CLDN14: variants seen among roughly 807,000 people sequenced by gnomAD.
CLDN14 encodes claudin-14.
A neutral mutation model predicts 2.1 loss-of-function variants in CLDN14; 2 were observed. The ratio of observed to expected loss-of-function variants is 0.96; its 90% confidence interval spans 0.39 to 3.01. CLDN14 has a LOEUF of 3.01. Among genes scored for constraint, CLDN14 ranks in the 30% most tolerant of loss-of-function variants. CLDN14 has a pLI of 0.09. For synonymous variants in CLDN14, 136 were observed against 154.4 expected (o/e 0.88, Z 0.88); for missense variants, 298 against 328.0 (o/e 0.91, Z 0.71).
At chr21:36,537,272 G>T (rs1473145259) in intron 1 of CLDN14, among the ~76,000 whole-genome samples, 1 of 152,092 alleles carries the variant, frequency 6.6e-6, no homozygotes, top group Non-Finnish European at 1.5e-5. Context: ...AGGCTGTGGG[G>T]TTGTCTATAA....
chr21:36,477,866 C>T (rs1490373154), intron 1 of CLDN14, among the ~76,000 whole-genome samples: 2 of 152,174 alleles, frequency 1.3e-5, no homozygotes, highest in African/African-American at 2.4e-5. Flanking sequence ...AGCCACTTGT[C>T]CTGCAAATGG....
intron 1 of CLDN14, among the ~76,000 whole-genome samples, chr21:36,540,359 GT>G (rs1412381115): frequency 1.3e-5 from 2 of 152,076 alleles, no homozygotes; most frequent in African/African-American, 4.8e-5. Context: ...TATTTGTATT[GT>G]TTTTTATTGT....
At chr21:36,472,220 G>A (rs1465806978) in intron 1 of CLDN14, among the ~76,000 whole-genome samples, 1 of 152,234 alleles carries the variant, frequency 6.6e-6, no homozygotes, top group Non-Finnish European at 1.5e-5. Context: ...AGAGATGCCA[G>A]GAGGCCGAGC....
intron 1 of CLDN14, among the ~76,000 whole-genome samples, chr21:36,462,997 G>A (rs1383505643): frequency 6.6e-6 from 1 of 151,214 alleles, no homozygotes; most frequent in Non-Finnish European, 1.5e-5. Flanking sequence ...AAGAAGAGGA[G>A]GGAGGGAGGA....
At chr21:36,534,394 C>T (rs2087408012) in intron 1 of CLDN14, among the ~76,000 whole-genome samples, 1 of 152,114 alleles carries the variant, frequency 6.6e-6, no homozygotes, top group South Asian at 2.1e-4. Flanking sequence ...CAGGACGATC[C>T]CCCCGTGGGA....
At chr21:36,495,400 A>G (rs2146468048) in intron 2 of CLDN14, among the ~76,000 whole-genome samples, 1 of 152,332 alleles carries the variant, frequency 6.6e-6, no homozygotes, top group Middle Eastern at 3.4e-3. Context: ...AATTGACTGA[A>G]TTTTGTTTAA....
chr21:36,508,529 G>A (rs543508395), intron 2 of CLDN14, among the ~76,000 whole-genome samples: 1 of 152,310 alleles, frequency 6.6e-6, no homozygotes, highest in Non-Finnish European at 1.5e-5. Flanking sequence ...GTCCTTCTAT[G>A]TCATGGCCTA....
chr21:36,483,162 G>T (rs1277350037), upstream of CLDN14, among the ~76,000 whole-genome samples: 2 of 152,204 alleles, frequency 1.3e-5, no homozygotes, highest in Non-Finnish European at 2.9e-5. Flanking sequence ...CCTCCAGAAT[G>T]AGTTGGCAGC....
intron 1 of CLDN14, among the ~76,000 whole-genome samples, chr21:36,512,237 G>A (rs2087192411): frequency 6.6e-6 from 1 of 152,164 alleles, no homozygotes; most frequent in African/African-American, 2.4e-5. Flanking sequence ...CATGTTAGGA[G>A]GTTGACTTGC....
chr21:36,521,706 G>C (rs537050647), intron 1 of CLDN14, among the ~76,000 whole-genome samples: 4 of 152,146 alleles, frequency 2.6e-5, no homozygotes, highest in African/African-American at 9.7e-5. Flanking sequence ...AGTAGGGGCC[G>C]GGACATAGAC....
chr21:36,487,151 A>G (rs150494374), intron 2 of CLDN14: 1 of 207,996 alleles, frequency 4.8e-6, no homozygotes, highest in African/African-American at 2.4e-5. Flanking sequence ...CACCCGGCTA[A>G]TTTTTGTATT....
chr21:36,566,509 G>A (rs1006833179), intron 1 of CLDN14, among the ~76,000 whole-genome samples: 8 of 152,104 alleles, frequency 5.3e-5, no homozygotes, highest in Non-Finnish European at 1.2e-4. Context: ...CAGTCGAACT[G>A]GACCCATGCA....
Position 36,469,913 on chromosome 21 carries a change from ACAGT to A in CLDN14, c.-81-8141_-81-8138del, listed in dbSNP as rs992630693. Among the ~76,000 whole-genome samples the A allele has an allele frequency of 1.2e-4, 19 of 152,326 alleles. No homozygotes were observed. In the East Asian group the frequency reaches 2.5e-3, roughly 20 times the overall value. The stretch of plus-strand genomic sequence containing the variant: ...TTTCAGAGCGATTTTTCCCGACAAG[ACAGT>A]CAGGCAGGTTTGCTATGTTGCTGTT... On this transcript the variant is annotated intron_variant, in intron 1 of 1. Transcript: ENST00000399135.
chr21:36,555,780 T>C (rs1450470813), intron 1 of CLDN14, among the ~76,000 whole-genome samples: 2 of 150,810 alleles, frequency 1.3e-5, no homozygotes, highest in African/African-American at 4.9e-5. Flanking sequence ...ATCTCCCAAT[T>C]TTCTACTCCC....
At chr21:36,497,681 C>T (rs946029236) in intron 2 of CLDN14, among the ~76,000 whole-genome samples, 3 of 152,110 alleles carry the variant, frequency 2.0e-5, no homozygotes, top group African/African-American at 2.4e-5. Flanking sequence ...ATTTCATCGC[C>T]GTTTAGCCAA....
At chr21:36,495,911 G>T (rs932414380) in intron 2 of CLDN14, among the ~76,000 whole-genome samples, 1 of 152,186 alleles carries the variant, frequency 6.6e-6, no homozygotes, top group Non-Finnish European at 1.5e-5. Context: ...GGCGGAGATT[G>T]CAGCTGTAGG....
chr21:36,463,101 C>A (rs1363765837), intron 1 of CLDN14, among the ~76,000 whole-genome samples: 1 of 152,124 alleles, frequency 6.6e-6, no homozygotes, highest in Admixed American at 6.5e-5. Flanking sequence ...CTTGAGTGGA[C>A]CACTAGCTTT....
intron 2 of CLDN14, among the ~76,000 whole-genome samples, chr21:36,506,521 G>A (rs1388807301): frequency 2.0e-5 from 3 of 151,476 alleles, no homozygotes; most frequent in Non-Finnish European, 4.4e-5. Context: ...CGTTTGAACC[G>A]GGGGGGCGGA....
chr21:36,530,525 G>C (rs1469175402), intron 1 of CLDN14, among the ~76,000 whole-genome samples: 1 of 152,250 alleles, frequency 6.6e-6, no homozygotes, highest in Non-Finnish European at 1.5e-5. Flanking sequence ...TGTCTTTCTA[G>C]AGATAGTCTG....
Sources: allele counts gnomAD v4.1 joint callset (sites outside exome capture counted in the v4.1 genomes callset), GRCh38; gene constraint gnomAD v4.1.1; transcripts MANE v1.5; gene names NCBI Gene and HGNC (gene_info 2026-07-23, HGNC 2026-07-21).